ARK2C: variants seen among roughly 807,000 people sequenced by gnomAD.
ARK2C encodes arkadia (RNF111) C-terminal like ring finger ubiquitin ligase 2C.
the ARK2C span, among the ~76,000 whole-genome samples, chr18:46,425,444 G>A: frequency 2.6e-4 from 39 of 152,354 alleles, no homozygotes; most frequent in African/African-American, 9.1e-4. Flanking sequence ...GGGCCTTTCA[G>A]GCTGCCTGTT....
At chr18:46,370,271 C>T in the ARK2C span, among the ~76,000 whole-genome samples, 104 of 152,314 alleles carry the variant, frequency 6.8e-4, no homozygotes, top group African/African-American at 2.4e-3. Context: ...GGGGAAACAT[C>T]GTTATTCCCA....
the ARK2C span, among the ~76,000 whole-genome samples, chr18:46,411,969 G>A: frequency 3.3e-5 from 5 of 152,220 alleles, no homozygotes; most frequent in Admixed American, 6.5e-5. Context: ...AGGCTCCCTG[G>A]GCTAAAAGCC....
the ARK2C span, among the ~76,000 whole-genome samples, chr18:46,443,534 A>G: frequency 6.6e-6 from 1 of 152,266 alleles, no homozygotes; most frequent in South Asian, 2.1e-4. Context: ...TTTGCTTTAA[A>G]CCAGTGGTTG....
chr18:46,450,483 G>A, the ARK2C span: 1 of 1,065,800 alleles, frequency 9.4e-7, no homozygotes, highest in South Asian at 1.3e-5. Context: ...ACCTCTGCTG[G>A]TGAGTAGGGT....
At chr18:46,375,526 C>A in the ARK2C span, among the ~76,000 whole-genome samples, 1 of 150,724 alleles carries the variant, frequency 6.6e-6, no homozygotes, top group Non-Finnish European at 1.5e-5. Flanking sequence ...TGCACTCCAG[C>A]CTGGGTGACA....
At chr18:46,420,949 C>T in the ARK2C span, among the ~76,000 whole-genome samples, 8 of 152,168 alleles carry the variant, frequency 5.3e-5, no homozygotes, top group Non-Finnish European at 1.0e-4. Context: ...AATATCTGAA[C>T]TCATGACCTA....
chr18:46,404,450 CATT>C, the ARK2C span, among the ~76,000 whole-genome samples: 1 of 152,134 alleles, frequency 6.6e-6, no homozygotes, highest in African/African-American at 2.4e-5. Context: ...ATTTCACTCT[CATT>C]AAAACTCAGT....
chr18:46,435,057 G>A, the ARK2C span, among the ~76,000 whole-genome samples: 25 of 152,254 alleles, frequency 1.6e-4, no homozygotes, highest in African/African-American at 5.5e-4. Context: ...TCTGCACAGC[G>A]GGCAGCCCGG....
the ARK2C span, chr18:46,385,757 C>T: frequency 2.0e-5 from 3 of 152,116 alleles, no homozygotes; most frequent in African/African-American, 4.8e-5. Flanking sequence ...AGGACCCCCT[C>T]GAGGCAGTTA....
At chr18:46,395,924 A>C in the ARK2C span, among the ~76,000 whole-genome samples, 3 of 152,298 alleles carry the variant, frequency 2.0e-5, no homozygotes, top group South Asian at 6.2e-4. Context: ...ATTTAGGCTC[A>C]TTGGGGCTCA....
At chr18:46,439,977 CACACCCT>C in the ARK2C span, among the ~76,000 whole-genome samples, 1 of 152,190 alleles carries the variant, frequency 6.6e-6, no homozygotes, top group African/African-American at 2.4e-5. Context: ...ACTACAGGCG[CACACCCT>C]ACACCCAGCT....
chr18:46,424,438 A>G, the ARK2C span, among the ~76,000 whole-genome samples: 14 of 152,286 alleles, frequency 9.2e-5, no homozygotes, highest in South Asian at 2.9e-3. Flanking sequence ...TATTTGGAAG[A>G]GGGATTTCGA....
At chr18:46,434,935 G>A in the ARK2C span, among the ~76,000 whole-genome samples, 25 of 152,284 alleles carry the variant, frequency 1.6e-4, 1 homozygote, top group Middle Eastern at 0.014. Context: ...TGTAGGAGGC[G>A]AGTCTGTGTG....
At chr18:46,414,876 C>T in the ARK2C span, among the ~76,000 whole-genome samples, 1 of 152,184 alleles carries the variant, frequency 6.6e-6, no homozygotes, top group Non-Finnish European at 1.5e-5. Flanking sequence ...CATTTTGTGT[C>T]ATCACAGCCT....
chr18:46,435,266 G>C, the ARK2C span: 4 of 1,607,672 alleles, frequency 2.5e-6, no homozygotes, highest in African/African-American at 5.3e-5. Flanking sequence ...TGACACGAGG[G>C]CTCTCCATCC....
the ARK2C span, among the ~76,000 whole-genome samples, chr18:46,385,415 C>T: frequency 2.6e-5 from 4 of 152,100 alleles, no homozygotes; most frequent in Non-Finnish European, 5.9e-5. Context: ...CATATGTGTG[C>T]AGGGAGGGAT....
the ARK2C span, among the ~76,000 whole-genome samples, chr18:46,349,339 C>A: frequency 2.6e-5 from 4 of 152,152 alleles, no homozygotes; most frequent in African/African-American, 9.7e-5. Context: ...TTGCTGTAAC[C>A]TTGCATGGCA....
chr18:46,390,091 C>T, the ARK2C span, among the ~76,000 whole-genome samples: 2 of 152,206 alleles, frequency 1.3e-5, no homozygotes, highest in South Asian at 4.1e-4. Context: ...CAAAGCCACT[C>T]TGGCTTCCCT....
the ARK2C span, among the ~76,000 whole-genome samples, chr18:46,381,045 G>A: frequency 6.6e-6 from 1 of 152,226 alleles, no homozygotes; most frequent in East Asian, 1.9e-4. Context: ...GGAGTGTGGG[G>A]GAAGCCCTGG....
Sources: gnomAD v4.1 joint callset for allele counts (sites outside exome capture counted in the v4.1 genomes callset) on GRCh38, gnomAD v4.1.1 for gene constraint, MANE v1.5 for transcripts, NCBI Gene and HGNC (gene_info 2026-07-23, HGNC 2026-07-21) for gene names.